Variants in CNTNAP2 observed in about 807,000 individuals in gnomAD.
CNTNAP2 encodes contactin associated protein 2.
CNTNAP2 carries 98 observed loss-of-function variants against 155.2 expected under a neutral mutation model. That is an observed-to-expected ratio of 0.63 (90% CI 0.54 to 0.75). The LOEUF (loss-of-function observed/expected upper bound fraction) is 0.75, where lower values mean the gene tolerates loss of function less well. CNTNAP2 is among the 30% of genes least tolerant of loss of function. The pLI is 0.00. For synonymous variants in CNTNAP2, 651 were observed against 631.2 expected (o/e 1.03, Z -0.47); for missense variants, 1,727 against 1,688.1 (o/e 1.02, Z -0.40).
chr7:148,010,501 T>C (rs1169725648), intron 15 of CNTNAP2, among the ~76,000 whole-genome samples: 1 of 151,468 alleles, frequency 6.6e-6, no homozygotes, highest in African/African-American at 2.4e-5. Context: ...GTTTTCTATG[T>C]TTGGGTCATT....
intron 4 of CNTNAP2, among the ~76,000 whole-genome samples, chr7:147,102,128 T>A (rs1029946270): frequency 3.9e-5 from 6 of 152,006 alleles, no homozygotes; most frequent in African/African-American, 1.5e-4. Context: ...CTATGAGTTT[T>A]AAAAATATCA....
At chr7:147,734,123 GC>G (rs1157819406) in intron 13 of CNTNAP2, among the ~76,000 whole-genome samples, 3 of 152,246 alleles carry the variant, frequency 2.0e-5, no homozygotes, top group Admixed American at 6.5e-5. Context: ...TCCAGTTTTT[GC>G]CCATTCAGTA....
intron 1 of CNTNAP2, among the ~76,000 whole-genome samples, chr7:146,469,518 CTT>C (rs544057518): frequency 0.026 from 3,366 of 128,938 alleles, 135 homozygotes; most frequent in African/African-American, 0.089. Context: ...TAATAATTGA[CTT>C]TTTTTTTTTT....
chr7:147,521,855 G>A lies in CNTNAP2; in HGVS notation c.1777+35814G>A, dbSNP rs531434700. Among the ~76,000 whole-genome samples, 46 of 152,284 alleles carry A rather than the reference G, an allele frequency of 3.0e-4. 1 individual carries two copies. In the South Asian group the frequency reaches 8.7e-3, roughly 29 times the overall value. ...AATGTTTTCCCCTTTGTGCTCCCAG[G>A]TTTGTAGGTTATATCCCTCATGCAG... On this transcript the variant is annotated intron_variant, in intron 11 of 23. Coordinates refer to ENST00000361727, the MANE Select transcript of CNTNAP2 (RefSeq NM_014141.6).
chr7:146,770,444 T>C (rs1337928380), intron 1 of CNTNAP2, among the ~76,000 whole-genome samples: 1 of 151,902 alleles, frequency 6.6e-6, no homozygotes, highest in Non-Finnish European at 1.5e-5. Context: ...GGGAAAAATA[T>C]AGTAATTGTT....
chr7:146,782,604 A>G (rs1306005432), intron 2 of CNTNAP2, among the ~76,000 whole-genome samples: 1 of 152,236 alleles, frequency 6.6e-6, no homozygotes, highest in African/African-American at 2.4e-5. Context: ...AGGATATAAT[A>G]TGGAATAATT....
chr7:147,465,988 A>T (rs1798113595), intron 10 of CNTNAP2, among the ~76,000 whole-genome samples: 4 of 152,214 alleles, frequency 2.6e-5, no homozygotes, highest in Admixed American at 1.3e-4. Flanking sequence ...TATAGGAGCC[A>T]AGGGCCCTCT....
chr7:146,552,545 A>G (rs147620270), intron 1 of CNTNAP2, among the ~76,000 whole-genome samples: 4 of 152,246 alleles, frequency 2.6e-5, no homozygotes, highest in Non-Finnish European at 4.4e-5. Context: ...TACCCACAAT[A>G]TGGTAGCCAG....
At chr7:147,151,870 G>A (rs1341615009) in intron 8 of CNTNAP2, among the ~76,000 whole-genome samples, 1 of 152,130 alleles carries the variant, frequency 6.6e-6, no homozygotes, top group African/African-American at 2.4e-5. Context: ...GAGCAGCTGG[G>A]TCTATCTTTG....
chr7:147,322,953 G>A (rs1795380349), intron 9 of CNTNAP2, among the ~76,000 whole-genome samples: 1 of 77,084 alleles, frequency 1.3e-5, no homozygotes, highest in Non-Finnish European at 2.3e-5. Context: ...GTGTCTATTT[G>A]ATTCTTCTCT....
intron 13 of CNTNAP2, among the ~76,000 whole-genome samples, chr7:147,751,625 C>A (rs747266019): frequency 2.0e-5 from 3 of 152,214 alleles, no homozygotes; most frequent in Non-Finnish European, 4.4e-5. Context: ...TGTGCAAACA[C>A]GAGCTGTCCA....
intron 9 of CNTNAP2, chr7:147,378,053 A>C (rs1796468507): frequency 2.1e-6 from 1 of 467,218 alleles, no homozygotes; most frequent in Non-Finnish European, 4.4e-6. Flanking sequence ...AAGTAATTAC[A>C]GTTTTTGTCA....
intron 1 of CNTNAP2, among the ~76,000 whole-genome samples, chr7:146,721,022 T>TACTGTA (rs71525966): frequency 1.7e-5 from 2 of 120,444 alleles, no homozygotes; most frequent in African/African-American, 8.4e-5. Flanking sequence ...ACTCTATATA[T>TACTGTA]TATATATACT....
intron 8 of CNTNAP2, among the ~76,000 whole-genome samples, chr7:147,213,888 G>C (rs1379540452): frequency 1.3e-5 from 2 of 152,054 alleles, no homozygotes; most frequent in East Asian, 3.9e-4. Context: ...GATTTCTGAT[G>C]TCCCAGGACA....
chr7:146,267,401 G>A (rs1186769724), intron 1 of CNTNAP2, among the ~76,000 whole-genome samples: 1 of 152,060 alleles, frequency 6.6e-6, no homozygotes, highest in African/African-American at 2.4e-5. Flanking sequence ...AACTGCTATA[G>A]GTGCTAATTG....
intron 12 of CNTNAP2, among the ~76,000 whole-genome samples, chr7:147,623,488 A>C (rs1455525180): frequency 2.6e-5 from 4 of 152,128 alleles, no homozygotes; most frequent in Non-Finnish European, 5.9e-5. Flanking sequence ...AAAAAAATCA[A>C]AATGTAATCC....
intron 3 of CNTNAP2, among the ~76,000 whole-genome samples, chr7:146,946,103 T>TTTCC (rs780509218): frequency 4.1e-5 from 6 of 147,494 alleles, no homozygotes; most frequent in Non-Finnish European, 7.5e-5. Context: ...CCTTTCCTTC[T>TTTCC]TTCCTTCCTT....
At chr7:146,403,423 A>C (rs1257762474) in intron 1 of CNTNAP2, among the ~76,000 whole-genome samples, 2 of 152,136 alleles carry the variant, frequency 1.3e-5, no homozygotes, top group Non-Finnish European at 2.9e-5. Flanking sequence ...TATTAGGTTT[A>C]AATTTCTTTT....
chr7:147,965,247 G>A lies in CNTNAP2; in HGVS notation c.2256-12615G>A, dbSNP rs538265864. Among the ~76,000 whole-genome samples the A allele has an allele frequency of 9.2e-5, 14 of 152,246 alleles. No homozygotes were observed. In the South Asian group the frequency reaches 2.7e-3, roughly 29 times the overall value. On this transcript the variant is annotated intron_variant, in intron 14 of 23. Transcript: ENST00000361727. ...ATACACATAAGGCAGTAATATTCATGACTTTTTACTGCCAACCTTGGAAAG... is the reference window on the plus strand; with the variant it reads ...ATACACATAAGGCAGTAATATTCATAACTTTTTACTGCCAACCTTGGAAAG...
Sources: gnomAD v4.1 joint callset for allele counts (sites outside exome capture counted in the v4.1 genomes callset) on GRCh38, gnomAD v4.1.1 for gene constraint, MANE v1.5 for transcripts, NCBI Gene and HGNC (gene_info 2026-07-23, HGNC 2026-07-21) for gene names.